Variants in ARFGEF1 observed in about 807,000 individuals in gnomAD.
ARFGEF1 encodes the protein brefeldin A-inhibited guanine nucleotide-exchange protein 1.
A neutral mutation model predicts 231.0 loss-of-function variants in ARFGEF1; 42 were observed. The ratio of observed to expected loss-of-function variants is 0.18; its 90% CI spans 0.14 to 0.24. The LOEUF is 0.24. ARFGEF1 is among the 10% of genes least tolerant of loss of function. The pLI is 1.00. For missense variants in ARFGEF1, 1,345 were observed against 2,192.0 expected (o/e 0.61, Z 7.72); for synonymous variants, 710 against 732.3 (o/e 0.97, Z 0.49).
At chr8:67,272,008 A>G in intron 9 of ARFGEF1, 72 bp from the exon 10 acceptor site, 1 of 826,766 alleles carries the variant, frequency 1.2e-6, no homozygotes. Context: ...TGTTCCAAAA[A>G]TATTTCCAGA....
chr8:67,281,800 GAAGA>G lies in ARFGEF1; in HGVS notation c.1028-4347_1028-4344del, dbSNP rs953358571. Among the ~76,000 whole-genome samples, 7 of 152,060 alleles carry G rather than the reference GAAGA, an allele frequency of 4.6e-5. No individual in the cohort carries two copies. The South Asian group carries it at 1.2e-3, about 27-fold the overall frequency. ...TATTCCAATTAAATTAGGGAATAGAGAAGAAAGGACTCAACCAAAATATTATCAA... is the reference window on the plus strand; with the variant it reads ...TATTCCAATTAAATTAGGGAATAGAGAAGGACTCAACCAAAATATTATCAA... On this transcript the variant is annotated intron_variant, in intron 7 of 38. Transcript: ENST00000262215.
chr8:67,274,583 G>A (rs1563881113), intron 9 of ARFGEF1, among the ~76,000 whole-genome samples: 1 of 151,782 alleles, frequency 6.6e-6, no homozygotes. Context: ...TTTTTTTCAG[G>A]AATAAATGAA....
intron 5 of ARFGEF1, among the ~76,000 whole-genome samples, chr8:67,186,324 A>G (rs1341830139): frequency 1.3e-5 from 2 of 152,024 alleles, no homozygotes; most frequent in African/African-American, 4.8e-5. Context: ...TATGTATGGA[A>G]TGTTATGATA....
intron 5 of ARFGEF1, among the ~76,000 whole-genome samples, chr8:67,189,922 C>CTAGAATGATTATAAGCAAAAAGA (rs1435564169): frequency 6.6e-6 from 1 of 152,122 alleles, no homozygotes; most frequent in Non-Finnish European, 1.5e-5. Context: ...TACCGATCCA[C>CTAGAATGATTATAAGCAAAAAGA]TAGAATGATT....
At chr8:67,321,509 G>A (rs1339066198) in intron 1 of ARFGEF1, among the ~76,000 whole-genome samples, 1 of 152,120 alleles carries the variant, frequency 6.6e-6, no homozygotes, top group Non-Finnish European at 1.5e-5. Context: ...CGCCCAGGCT[G>A]GAGTGCAGTG....
At chr8:67,254,517 C>G (rs528960096) in intron 17 of ARFGEF1, among the ~76,000 whole-genome samples, 3 of 152,154 alleles carry the variant, frequency 2.0e-5, no homozygotes, top group African/African-American at 7.2e-5. Context: ...AACAATCAAG[C>G]AAGTCATCAG....
intron 1 of ARFGEF1, among the ~76,000 whole-genome samples, chr8:67,317,280 T>C (rs1807361668): frequency 6.6e-6 from 1 of 152,140 alleles, no homozygotes. Flanking sequence ...CCGGAGGAGA[T>C]AACAGGAACC....
At position 67,271,916 on chromosome 8, in the gene ARFGEF1, T is replaced by C. The variant is rs901104524; in HGVS notation, c.1358A>G (p.Lys453Arg). ...PDPKSHELRS[K>R]ILSLQLLLSI... ...TAGAAGTAACTGCAATGAAAGAATC[T>C]TGGATCGTAGTTCATGAGACCTAAA... The change falls in exon 10 of 39, where the codon AAG (lysine) becomes AGG (arginine). Residue 453 changes from lysine (K) to arginine (R), a missense_variant. This residue lies in a region of ARFGEF1 where 141 missense variants were observed against 259.9 expected (regional missense o/e 0.54). Transcript: ENST00000262215. 6.2e-7 allele frequency: 1 copy of C among 1,610,406 alleles called. No homozygotes were observed. Among genetic ancestry groups the C allele is most frequent in the Non-Finnish European group, 8.5e-7 (1 of 1,178,806 alleles).
intron 5 of ARFGEF1, among the ~76,000 whole-genome samples, chr8:67,186,461 A>G (rs561116793): frequency 6.6e-6 from 1 of 151,884 alleles, no homozygotes; most frequent in Non-Finnish European, 1.5e-5. Context: ...GAACAACTCT[A>G]TGCCCACAAA....
Position 67,198,780 on chromosome 8 carries a change from A to G in ARFGEF1, c.*154T>C. 7.0e-7 allele frequency: 1 copy of G among 1,433,104 alleles called. No homozygotes were observed. 88.8% of individuals were successfully genotyped at this position (1,433,104 alleles called of 1,614,324 possible). A position where few individuals can be genotyped will look rare whatever the true frequency, so the allele number is the denominator to read the frequency against. On this transcript the variant is annotated 3_prime_UTR_variant, in exon 39 of 39. Transcript: ENST00000262215. ...ATCCACCAGCACTAAAAGGGACTGG[A>G]GTGTTGCAAGTTTGAGTAAGACTTC... is the stretch of plus-strand genomic sequence containing the variant.
At chr8:67,229,530 A>G (rs1021524073) in intron 23 of ARFGEF1, among the ~76,000 whole-genome samples, 4 of 152,110 alleles carry the variant, frequency 2.6e-5, no homozygotes, top group African/African-American at 4.8e-5. Flanking sequence ...AAGATTTTCT[A>G]TATCGTTCGT....
In ARFGEF1 at chr8:67,191,979, G is replaced by A. The variant is rs536455982; in HGVS notation, c.560+8417C>T. ...CATGGTGGTTTTGAGTTGCATTTCTGTAATGATATTGAACATCTTTTCATG... is the reference window on the plus strand; with the variant it reads ...CATGGTGGTTTTGAGTTGCATTTCTATAATGATATTGAACATCTTTTCATG... On this transcript the variant is annotated intron_variant, in intron 5 of 5. Transcript: ENST00000518789. Among the ~76,000 whole-genome samples, 9 of 151,366 alleles carry A rather than the reference G, an allele frequency of 5.9e-5. No individual in the cohort carries two copies. The South Asian group carries it at 1.9e-3, about 31-fold the overall frequency.
rs1045514120 is a variant in ARFGEF1 at position 67,299,506 on chromosome 8, C to T, written c.313-151G>A. The T allele has an allele frequency of 4.6e-6, 3 of 649,162 alleles. No individual in the cohort carries two copies. In the African/African-American group the frequency reaches 5.8e-5, roughly 12 times the overall value. The allele number at this position is 649,162 out of a possible 1,614,324, so 40.2% of individuals were successfully genotyped here. On this transcript the variant is annotated intron_variant, in intron 3 of 38. Coordinates refer to ENST00000262215, the MANE Select transcript of ARFGEF1 (RefSeq NM_006421.5). The stretch of plus-strand genomic sequence containing the variant: ...GGTATTATCAAAGCCAAAGCTATAC[C>T]AACTTTTTCTGTAGAAACTTTATTC...
chr8:67,324,260 C>G (rs1286563782), intron 1 of ARFGEF1, among the ~76,000 whole-genome samples: 1 of 152,180 alleles, frequency 6.6e-6, no homozygotes, highest in Non-Finnish European at 1.5e-5. Context: ...CGCCACTGCA[C>G]TCTAGCTTGG....
intron 5 of ARFGEF1, among the ~76,000 whole-genome samples, chr8:67,185,173 G>T (rs1175794405): frequency 2.0e-5 from 3 of 151,954 alleles, no homozygotes; most frequent in Admixed American, 2.0e-4. Flanking sequence ...AGCCTGGTGT[G>T]ATTCCGTTCT....
At chr8:67,201,699 GC>G in intron 36 of ARFGEF1, 94 bp from the exon 37 acceptor site, 1 of 1,525,594 alleles carries the variant, frequency 6.6e-7, no homozygotes, top group Non-Finnish European at 8.9e-7. Context: ...TTTGTGCTCA[GC>G]CATCAGCATC....
At chr8:67,289,549 C>CAAA (rs552601455) in intron 6 of ARFGEF1, among the ~76,000 whole-genome samples, 759 of 44,792 alleles carry the variant, frequency 0.017, 31 homozygotes, top group Non-Finnish European at 0.023. Context: ...ACTCTGTATC[C>CAAA]AAAAAAAAAA....
intron 10 of ARFGEF1, among the ~76,000 whole-genome samples, chr8:67,269,659 A>G (rs1804994258): frequency 6.6e-6 from 1 of 151,980 alleles, no homozygotes; most frequent in African/African-American, 2.4e-5. Context: ...TGCTCAACTC[A>G]TTTATAATTT....
intron 29 of ARFGEF1, among the ~76,000 whole-genome samples, chr8:67,221,579 AGAGTC>A (rs1162603818): frequency 6.6e-6 from 1 of 152,178 alleles, no homozygotes; most frequent in African/African-American, 2.4e-5. Flanking sequence ...TGTTAATATA[AGAGTC>A]AAGTTTTTTA....
Sources: allele counts gnomAD v4.1 joint callset (sites outside exome capture counted in the v4.1 genomes callset), GRCh38; gene constraint gnomAD v4.1.1; regional missense constraint gnomAD v4.1.1; transcripts MANE v1.5; gene names NCBI Gene and HGNC (gene_info 2026-07-23, HGNC 2026-07-21).